WIPF1: variants seen among roughly 807,000 people sequenced by gnomAD.
WIPF1 encodes WAS/WASL interacting protein family member 1.
In WIPF1, 13 loss-of-function variants were observed where a neutral mutation model predicts 35.4. The ratio of observed to expected loss-of-function variants is 0.37; its 90% CI spans 0.24 to 0.58. The LOEUF is 0.58. Ranked by LOEUF, WIPF1 falls within the 20% of genes least tolerant of loss-of-function variation. WIPF1 has a pLI of 0.74. For synonymous variants in WIPF1, 267 were observed against 266.3 expected, an observed-to-expected ratio of 1.00 and a Z score of -0.02; for missense variants, 591 against 667.0, an observed-to-expected ratio of 0.89 and a Z score of 1.25.
At chr2:174,668,952 G>A (rs1438051846) in intron 1 of WIPF1, among the ~76,000 whole-genome samples, 2 of 152,220 alleles carry the variant, frequency 1.3e-5, no homozygotes, top group Non-Finnish European at 2.9e-5. Flanking sequence ...GTGTGAAACT[G>A]GGCCAGCTGA....
At chr2:174,593,198 C>T (rs6744770) in intron 1 of WIPF1, among the ~76,000 whole-genome samples, 45,541 of 151,746 alleles carry the variant, frequency 0.3, 7,198 homozygotes, top group Non-Finnish European at 0.35. Flanking sequence ...CATGTCCTTC[C>T]AGCTTATAAG....
intron 1 of WIPF1, chr2:174,655,863 G>T (rs1687629624): frequency 6.6e-6 from 1 of 152,266 alleles, no homozygotes; most frequent in Admixed American, 6.5e-5. Flanking sequence ...TATATGCTCA[G>T]TACCTGGTAA....
intron 1 of WIPF1, among the ~76,000 whole-genome samples, chr2:174,657,228 T>C (rs144359488): frequency 1.2e-4 from 19 of 152,338 alleles, no homozygotes; most frequent in African/African-American, 4.6e-4. Flanking sequence ...CTGTCTTTTG[T>C]AAAAAACCAT....
At chr2:174,666,604 C>T (rs577720526) in intron 1 of WIPF1, among the ~76,000 whole-genome samples, 1 of 152,344 alleles carries the variant, frequency 6.6e-6, no homozygotes, top group South Asian at 2.1e-4. Flanking sequence ...GCCCATTCTG[C>T]ACCCAGCTCA....
At chr2:174,645,848 C>G (rs1687398180) in intron 1 of WIPF1, among the ~76,000 whole-genome samples, 1 of 152,204 alleles carries the variant, frequency 6.6e-6, no homozygotes, top group African/African-American at 2.4e-5. Context: ...TAATTAGGCC[C>G]TATATTCATC....
At chr2:174,635,529 G>GTTTTTTTTTTTT (rs1197924942) in intron 1 of WIPF1, among the ~76,000 whole-genome samples, 7 of 115,614 alleles carry the variant, frequency 6.1e-5, no homozygotes, top group Admixed American at 1.0e-4. Flanking sequence ...CCTTCTGTTT[G>GTTTTTTTTTTTT]TTTTTTTTTT....
At chr2:174,631,551 T>C (rs779542051) in intron 1 of WIPF1, among the ~76,000 whole-genome samples, 5 of 152,218 alleles carry the variant, frequency 3.3e-5, no homozygotes, top group African/African-American at 4.8e-5. Flanking sequence ...AATATGAATA[T>C]ACTTAACGCT....
chr2:174,635,933 C>T (rs950512811), intron 1 of WIPF1, among the ~76,000 whole-genome samples: 1 of 152,144 alleles, frequency 6.6e-6, no homozygotes, highest in African/African-American at 2.4e-5. Flanking sequence ...GATTGCACTT[C>T]TGGCTTTGAA....
At chr2:174,659,599 T>G (rs1687715038) in intron 1 of WIPF1, among the ~76,000 whole-genome samples, 1 of 152,080 alleles carries the variant, frequency 6.6e-6, no homozygotes, top group Non-Finnish European at 1.5e-5. Flanking sequence ...GATCATAGTT[T>G]CAGGACTGGA....
In WIPF1 at chr2:174,567,121, C is replaced by T. The variant is rs1684686153; in HGVS notation, c.1405G>A (p.Val469Ile). 6.2e-7 allele frequency: 1 copy of T among 1,614,240 alleles called. No individual in the cohort carries two copies. The highest frequency in any genetic ancestry group is 2.2e-5 in the East Asian group (1 of 44,888). ...CTGGGATAACTTTTGGTCGTTTGTACATATGGCTCTGGAGGTGGCAAATCG... is the reference window on the plus strand; with the variant it reads ...CTGGGATAACTTTTGGTCGTTTGTATATATGGCTCTGGAGGTGGCAAATCG... The part of the protein sequence containing the change: ...ISDLPPPEPY[V>I]QTTKSYPSKL... Residue 469 changes from valine to isoleucine, a missense_variant, in exon 7 of 8, where the codon GTA becomes ATA. This residue lies in a region of WIPF1 where 117 missense variants were observed against 149.6 expected (regional missense o/e 0.78). Coordinates refer to ENST00000679041, the MANE Select transcript of WIPF1 (RefSeq NM_001375834.1).
At chr2:174,642,496 A>C (rs941362461) in intron 1 of WIPF1, among the ~76,000 whole-genome samples, 4 of 151,012 alleles carry the variant, frequency 2.6e-5, no homozygotes, top group African/African-American at 9.7e-5. Flanking sequence ...ACAGGCACCC[A>C]CCACCACGCC....
At chr2:174,578,913 T>G (rs1276120656) in intron 3 of WIPF1, among the ~76,000 whole-genome samples, 3 of 152,242 alleles carry the variant, frequency 2.0e-5, no homozygotes, top group African/African-American at 7.2e-5. Flanking sequence ...ACACTATTCA[T>G]TGATGAATGA....
chr2:174,653,010 A>T (rs1687566132), intron 1 of WIPF1, among the ~76,000 whole-genome samples: 1 of 152,218 alleles, frequency 6.6e-6, no homozygotes, highest in South Asian at 2.1e-4. Context: ...GTAGCTAATA[A>T]CAAACATATA....
rs1203621162 is a variant in WIPF1, at chr2:174,575,152, G to A, written c.358+52C>T. The stretch of plus-strand genomic sequence containing the variant: ...AGAGGCTATGACCAGCCTCCAAACT[G>A]CCAAACTCTGCCTTGTCTTCAGTCA... On this transcript the variant is annotated intron_variant, in intron 4 of 7. Coordinates refer to ENST00000679041, the MANE Select transcript of WIPF1 (RefSeq NM_001375834.1). The A allele has an allele frequency of 4.7e-5, 73 of 1,560,276 alleles. No individual in the cohort carries two copies. In the East Asian group the frequency reaches 1.6e-3, roughly 35 times the overall value.
At chr2:174,619,130 T>A (rs772670772) in intron 1 of WIPF1, among the ~76,000 whole-genome samples, 54 of 152,228 alleles carry the variant, frequency 3.5e-4, no homozygotes, top group Middle Eastern at 3.4e-3. Flanking sequence ...TTTCTTTTTT[T>A]TAGATACGGG....
At chr2:174,570,868 A>C (rs1256889922) in intron 5 of WIPF1, among the ~76,000 whole-genome samples, 1 of 152,210 alleles carries the variant, frequency 6.6e-6, no homozygotes, top group Non-Finnish European at 1.5e-5. Flanking sequence ...ATCCATAACC[A>C]CTATAAAACG....
chr2:174,682,089 T>G (rs1243971713), intron 1 of WIPF1, among the ~76,000 whole-genome samples: 1 of 152,210 alleles, frequency 6.6e-6, no homozygotes, highest in Non-Finnish European at 1.5e-5. Context: ...GAGACTGAAG[T>G]GAAGCTGTCT....
In WIPF1 at chr2:174,602,822, T is replaced by C. The variant is rs1686049974; in HGVS notation, c.-38-17211A>G. Among the ~76,000 whole-genome samples the C allele has an allele frequency of 3.9e-5, 6 of 152,386 alleles. No individual in the cohort carries two copies. The South Asian group carries it at 1.2e-3, about 32-fold the overall frequency. On this transcript the variant is annotated intron_variant, in intron 1 of 8. Transcript: ENST00000272746. ...GTCTGCAGTGTATTCTGTTGTGTTT[T>C]GGCAGCTCAGCAACCATTCCCCCTA...
chr2:174,617,932 T>C (rs1168442412), intron 1 of WIPF1, among the ~76,000 whole-genome samples: 1 of 152,196 alleles, frequency 6.6e-6, no homozygotes, highest in African/African-American at 2.4e-5. Context: ...TAAAGGCCTT[T>C]GAGGTTTCCT....
Sources: gnomAD v4.1 joint callset for allele counts (sites outside exome capture counted in the v4.1 genomes callset) on GRCh38, gnomAD v4.1.1 for gene constraint, gnomAD v4.1.1 regional missense constraint, MANE v1.5 for transcripts, NCBI Gene and HGNC (gene_info 2026-07-23, HGNC 2026-07-21) for gene names.